Variants in UHRF1 observed in about 807,000 individuals in gnomAD.
UHRF1 encodes ubiquitin like with PHD and ring finger domains 1, also known as E3 ubiquitin-protein ligase UHRF1.
In UHRF1, 9 loss-of-function variants were observed where a neutral mutation model predicts 96.5. That is an observed-to-expected ratio of 0.09 (90% CI 0.06 to 0.16). The LOEUF is 0.16. Among genes scored for constraint, UHRF1 ranks in the 10% least tolerant of loss-of-function variants. The pLI is 1.00. For synonymous variants in UHRF1, 455 were observed against 469.9 expected, an observed-to-expected ratio of 0.97 and a Z score of 0.41; for missense variants, 626 against 1,131.1, an observed-to-expected ratio of 0.55 and a Z score of 6.40.
intron 13 of UHRF1, among the ~76,000 whole-genome samples, chr19:4,953,421 T>C (rs1490562283): frequency 1.3e-5 from 2 of 152,178 alleles, no homozygotes; most frequent in African/African-American, 2.4e-5. Flanking sequence ...GGCTTCTCTT[T>C]AGCATTTCCA....
rs188697822 is a variant in UHRF1 at position 4,929,462 on chromosome 19, T to C, written c.394T>C (p.Leu132=). ...ADEDMWDETE[L]GLYKVNEYVD... The stretch of plus-strand genomic sequence containing the variant: ...TGAGGACATGTGGGATGAGACGGAA[T>C]TGGGGCTGTACAAGGTGAGCCTCCC... Residue 132 remains leucine (L), a synonymous_variant, in exon 3 of 17, where the codon TTG becomes CTG. Transcript: ENST00000650932. 4.3e-5 allele frequency: 69 copies of C among 1,613,112 alleles called. No individual in the cohort carries two copies. In the African/African-American group the frequency reaches 8.1e-4, roughly 19 times the overall value.
rs3786943 is a variant in UHRF1 at position 4,912,313 on chromosome 19, A to G, written c.153+1275A>G. Among the ~76,000 whole-genome samples the G allele has an allele frequency of 5.7e-3, 861 of 152,188 alleles. 31 individuals carry two copies. The East Asian group carries it at 0.11, about 20-fold the overall frequency. ...ATGCGTGCTCCCTTTGTGGCATCCA[A>G]ACTGATTTTGATTTGCCACTCAGCC... On this transcript the variant is annotated intron_variant, in intron 2 of 16. Coordinates refer to ENST00000650932, the MANE Select transcript of UHRF1 (RefSeq NM_001048201.3).
chr19:4,927,912 C>T (rs142522963), intron 2 of UHRF1, among the ~76,000 whole-genome samples: 2 of 152,320 alleles, frequency 1.3e-5, no homozygotes, highest in East Asian at 1.9e-4. Context: ...AAACTCCTGA[C>T]GGGGCAGACG....
intron 5 of UHRF1, among the ~76,000 whole-genome samples, chr19:4,939,124 G>A (rs962827852): frequency 2.6e-5 from 4 of 151,004 alleles, no homozygotes; most frequent in Admixed American, 2.0e-4. Context: ...CACCATGTTG[G>A]CCAGGCTGGT....
intron 5 of UHRF1, among the ~76,000 whole-genome samples, chr19:4,934,046 C>T (rs1193936029): frequency 7.0e-6 from 1 of 142,554 alleles, no homozygotes; most frequent in South Asian, 2.2e-4. Context: ...TTTTAAAAGA[C>T]AGAGTCTCCC....
At chr19:4,948,769 T>C (rs1158710251) in intron 11 of UHRF1, among the ~76,000 whole-genome samples, 1 of 151,200 alleles carries the variant, frequency 6.6e-6, no homozygotes, top group Non-Finnish European at 1.5e-5. Flanking sequence ...ATTGCACTCT[T>C]GCACTCTAGC....
In UHRF1 at chr19:4,946,826, G is replaced by A. The variant is rs988143378; in HGVS notation, c.1411-279G>A. 2.0e-5 allele frequency among the ~76,000 whole-genome samples: 3 copies of A among 152,156 alleles called. No individual in the cohort carries two copies. The East Asian group carries it at 5.8e-4, about 29-fold the overall frequency. ...CCTGGGCTTAAGCGATCCTCCCGCT[G>A]CAGCCTCCCAAAGTGCTGGGATTAC... On this transcript the variant is annotated intron_variant, in intron 10 of 16. Transcript: ENST00000650932.
chr19:4,908,611 G>A (rs2032125421), upstream of UHRF1, among the ~76,000 whole-genome samples: 3 of 152,210 alleles, frequency 2.0e-5, no homozygotes, highest in South Asian at 4.1e-4. Context: ...CAGCTCAAAT[G>A]TCATCTTCTC....
Position 4,934,888 on chromosome 19 carries a change from A to G in UHRF1, c.785+1932A>G, listed in dbSNP as rs542627064. Reference sequence around the variant, plus strand: ...CGGGTGTGGTGTGGAATTGGTCTTTATTCTCTGCTAGGCGCATTTCTGAAT... The same window carrying G: ...CGGGTGTGGTGTGGAATTGGTCTTTGTTCTCTGCTAGGCGCATTTCTGAAT... On this transcript the variant is annotated intron_variant, in intron 5 of 16. Coordinates refer to ENST00000650932, the MANE Select transcript of UHRF1 (RefSeq NM_001048201.3). 7.2e-5 allele frequency among the ~76,000 whole-genome samples: 11 copies of G among 152,060 alleles called. No homozygotes were observed. In the South Asian group the frequency reaches 2.1e-3, roughly 29 times the overall value.
At chr19:4,926,921 G>A (rs370362820) in intron 2 of UHRF1, among the ~76,000 whole-genome samples, 1 of 152,114 alleles carries the variant, frequency 6.6e-6, no homozygotes, top group Non-Finnish European at 1.5e-5. Flanking sequence ...AAATTAGCCG[G>A]GCTTGGTGGC....
At chr19:4,917,074 G>GT (rs796926555) in intron 2 of UHRF1, among the ~76,000 whole-genome samples, 2 of 151,584 alleles carry the variant, frequency 1.3e-5, no homozygotes, top group African/African-American at 4.8e-5. Flanking sequence ...GCTCGGTGGG[G>GT]GGGGGGGGTG....
In UHRF1 at chr19:4,950,960, G is replaced by C. The variant is rs777166785; in HGVS notation, c.1782G>C (p.Gly594=). 4.3e-6 allele frequency: 7 copies of C among 1,612,038 alleles called. No homozygotes were observed. Among genetic ancestry groups the C allele is most frequent in the Non-Finnish European group, 5.9e-6 (7 of 1,179,754 alleles). The change falls in exon 13 of 17, where the codon GGG becomes GGC. Residue 594 remains glycine, a synonymous_variant. Transcript: ENST00000650932. ...DDEPGPWTKE[G]KDRIKKLGLT... ...AGCCTGGCCCTTGGACGAAGGAGGG[G>C]AAGGACCGGATCAAGAAGCTGGGGC...
chr19:4,935,869 A>G (rs994223758), intron 5 of UHRF1, among the ~76,000 whole-genome samples: 3 of 152,084 alleles, frequency 2.0e-5, no homozygotes, highest in African/African-American at 7.2e-5. Flanking sequence ...CGCACCAGTT[A>G]TACACCAGCT....
rs2033006737 is a variant in UHRF1, at chr19:4,930,281, A to AT, written c.409-429dup. Among the ~76,000 whole-genome samples, 1 of 152,026 alleles carries AT rather than the reference A, an allele frequency of 6.6e-6. No individual in the cohort carries two copies. The highest frequency in any genetic ancestry group is 1.9e-4 in the East Asian group (1 of 5,160). On this transcript the variant is annotated intron_variant, in intron 3 of 16. Coordinates refer to ENST00000650932, the MANE Select transcript of UHRF1 (RefSeq NM_001048201.3). This position sits in a 1 kb window ranked among gnomAD's most constrained non-coding sequence, Gnocchi z 4.4. ...TGAGCCACTGCACCCAGTCTGTTTT[A>AT]TTTTTTAGTAGACACAGCGTCTTAC...
intron 6 of UHRF1, 36 bp from the exon 7 acceptor site, chr19:4,941,709 G>T (rs1258834476): frequency 6.4e-7 from 1 of 1,557,854 alleles, no homozygotes; most frequent in Non-Finnish European, 8.7e-7. Context: ...GCTTGGCCGG[G>T]CCCCGCCGGA....
At position 4,910,556 on chromosome 19, in the gene UHRF1, C is replaced by T. The variant is rs116626466; in HGVS notation, c.-10-320C>T. ...TGAATGAATAAACGAACCAACTCGG[C>T]CACTTGGCCCGGGCCTCCTTTCTCC... On this transcript the variant is annotated intron_variant, in intron 1 of 16. Coordinates refer to ENST00000650932, the MANE Select transcript of UHRF1 (RefSeq NM_001048201.3). 1.3e-4 allele frequency: 36 copies of T among 278,462 alleles called. 1 individual carries two copies. The highest frequency in any genetic ancestry group is 7.2e-4 in the African/African-American group (33 of 45,882). 17.2% of individuals were successfully genotyped at this position (278,462 alleles called of 1,614,324 possible). A position where few individuals can be genotyped will look rare whatever the true frequency, so the allele number is the denominator to read the frequency against.
intron 11 of UHRF1, among the ~76,000 whole-genome samples, chr19:4,947,488 A>ATTTTTTTTTTTTTTT (rs1568427975): frequency 1.4e-5 from 1 of 70,372 alleles, no homozygotes. Context: ...GATAATAGAT[A>ATTTTTTTTTTTTTTT]TCTTTTTTTT....
At chr19:4,909,048 G>A (rs142151940), upstream of UHRF1, among the ~76,000 whole-genome samples, 2 of 152,310 alleles carry the variant, frequency 1.3e-5, no homozygotes, top group East Asian at 3.9e-4. Context: ...CCAGGCAGTG[G>A]GGCTTGGGGC....
At chr19:4,926,008 C>CTTCCTCAT (rs1343994668) in intron 2 of UHRF1, among the ~76,000 whole-genome samples, 3 of 152,174 alleles carry the variant, frequency 2.0e-5, no homozygotes, top group African/African-American at 7.2e-5. Flanking sequence ...AGCAATTGTC[C>CTTCCTCAT]TTCCTCAGCC....
Sources: allele counts gnomAD v4.1 joint callset (sites outside exome capture counted in the v4.1 genomes callset), GRCh38; gene constraint gnomAD v4.1.1; non-coding constraint Gnocchi (gnomAD v3.1); transcripts MANE v1.5; gene names NCBI Gene and HGNC (gene_info 2026-07-23, HGNC 2026-07-21).